CDH13: variants seen among roughly 807,000 people sequenced by gnomAD.
CDH13 encodes cadherin-13.
A neutral mutation model predicts 63.8 loss-of-function variants in CDH13; 24 were observed. The ratio of observed to expected loss-of-function variants is 0.38; its 90% CI spans 0.27 to 0.53. CDH13 has a LOEUF of 0.53. Ranked by LOEUF, CDH13 falls within the 20% of genes least tolerant of loss-of-function variation. The pLI, the probability that CDH13 is intolerant of heterozygous loss-of-function variation, is 0.85. For missense variants in CDH13, 1,049 were observed against 903.1 expected (o/e 1.16, Z -2.07); for synonymous variants, 503 against 355.3 (o/e 1.42, Z -4.67).
At chr16:83,040,148 C>G (rs1410453920) in intron 3 of CDH13, among the ~76,000 whole-genome samples, 1 of 151,926 alleles carries the variant, frequency 6.6e-6, no homozygotes, top group African/African-American at 2.4e-5. Flanking sequence ...GCTGCATTTA[C>G]TACCTCTGCT....
chr16:83,300,735 G>T (rs999174710), intron 5 of CDH13, among the ~76,000 whole-genome samples: 4 of 152,154 alleles, frequency 2.6e-5, no homozygotes, highest in Non-Finnish European at 4.4e-5. Context: ...GGTTGAAAAG[G>T]TTATAGATCA....
chr16:83,072,595 G>C lies in CDH13; in HGVS notation c.366+40377G>C, dbSNP rs529311026. 4.1e-4 allele frequency among the ~76,000 whole-genome samples: 63 copies of C among 152,286 alleles called. No homozygotes were observed. The South Asian group carries it at 0.012, about 30-fold the overall frequency. On this transcript the variant is annotated intron_variant, in intron 3 of 13. Transcript: ENST00000567109. ...CTTGAAGTCAGAACAGTTGGATTCT[G>C]GATATGAGTCTTCTTTTACCAGCTG...
intron 2 of CDH13, among the ~76,000 whole-genome samples, chr16:82,973,287 T>C (rs561686926): frequency 6.6e-6 from 1 of 152,362 alleles, no homozygotes; most frequent in Admixed American, 6.5e-5. Flanking sequence ...CCCTCCTCTT[T>C]GCCGTCCTTC....
chr16:83,291,958 A>C (rs1000467976), intron 5 of CDH13, among the ~76,000 whole-genome samples: 1 of 152,204 alleles, frequency 6.6e-6, no homozygotes, highest in Non-Finnish European at 1.5e-5. Flanking sequence ...ACGTTTCATC[A>C]TGCCTGCTCC....
At chr16:83,406,508 G>T (rs2092050024) in intron 6 of CDH13, among the ~76,000 whole-genome samples, 1 of 150,176 alleles carries the variant, frequency 6.7e-6, no homozygotes, top group East Asian at 2.0e-4. Context: ...TCATCGCCCA[G>T]GCTGGAGTGC....
chr16:83,139,128 C>T lies in CDH13; in HGVS notation c.483+13627C>T, dbSNP rs548520654. On this transcript the variant is annotated intron_variant, in intron 4 of 13. Transcript: ENST00000567109. Reference sequence around the variant, plus strand: ...CTTTGAAATAAAAGAGAACTCTTCCCAGAGGTGACAGATCCACCTGCGTGC... The same window carrying T: ...CTTTGAAATAAAAGAGAACTCTTCCTAGAGGTGACAGATCCACCTGCGTGC... Among the ~76,000 whole-genome samples, 131 of 152,266 alleles carry T rather than the reference C, an allele frequency of 8.6e-4. 1 individual carries two copies. The highest frequency in any genetic ancestry group is 3.1e-3 in the African/African-American group (127 of 41,548).
chr16:83,713,523 AT>A (rs778140367), intron 10 of CDH13, among the ~76,000 whole-genome samples: 46 of 151,348 alleles, frequency 3.0e-4, no homozygotes, highest in East Asian at 1.2e-3. Flanking sequence ...AAAAAAAAAA[AT>A]TTCCTCTTCA....
intron 1 of CDH13, among the ~76,000 whole-genome samples, chr16:82,801,661 A>G (rs2036860981): frequency 6.6e-6 from 1 of 152,258 alleles, no homozygotes; most frequent in African/African-American, 2.4e-5. Flanking sequence ...AACCGTAGAC[A>G]GGAACCTGGA....
chr16:83,671,011 G>T (rs1914452964), intron 9 of CDH13, 39 bp downstream of exon 9: 1 of 1,502,860 alleles, frequency 6.7e-7, no homozygotes, highest in African/African-American at 1.4e-5. Context: ...CCTCATGCGA[G>T]CACGGAGGGC....
At chr16:83,424,405 A>G (rs1447701150) in intron 6 of CDH13, among the ~76,000 whole-genome samples, 1 of 152,222 alleles carries the variant, frequency 6.6e-6, no homozygotes, top group Admixed American at 6.5e-5. Flanking sequence ...TCACACAAGC[A>G]GCCTTGGAGC....
chr16:83,253,984 A>T (rs1905905762), intron 5 of CDH13, among the ~76,000 whole-genome samples: 1 of 152,184 alleles, frequency 6.6e-6, no homozygotes, highest in African/African-American at 2.4e-5. Flanking sequence ...TCAATCTTAG[A>T]TAGAGAGCCA....
In CDH13 at chr16:83,203,125, G is replaced by A. The variant is rs537341455; in HGVS notation, c.484-14220G>A. 3.9e-5 allele frequency among the ~76,000 whole-genome samples: 6 copies of A among 152,288 alleles called. No homozygotes were observed. In the South Asian group the frequency reaches 1.0e-3, roughly 26 times the overall value. On this transcript the variant is annotated intron_variant, in intron 4 of 13. Transcript: ENST00000567109. ...TGTAATCTTAGCTACTTGGGAGGCT[G>A]AGGCAGGAGAATTGCTTGAACCTGG... is the stretch of plus-strand genomic sequence containing the variant.
intron 5 of CDH13, among the ~76,000 whole-genome samples, chr16:83,340,595 C>A (rs1486614183): frequency 1.3e-5 from 2 of 152,170 alleles, no homozygotes; most frequent in African/African-American, 4.8e-5. Flanking sequence ...CACCCGAATT[C>A]TCTAGAAACA....
At chr16:82,702,950 G>A (rs1368271979) in intron 1 of CDH13, among the ~76,000 whole-genome samples, 2 of 152,044 alleles carry the variant, frequency 1.3e-5, no homozygotes, top group Non-Finnish European at 2.9e-5. Flanking sequence ...TGTGTGCAGG[G>A]ACCTTTTTTT....
intron 6 of CDH13, among the ~76,000 whole-genome samples, chr16:83,414,361 C>T (rs900766132): frequency 3.9e-5 from 6 of 152,108 alleles, no homozygotes; most frequent in African/African-American, 1.4e-4. Context: ...GCAACCACCA[C>T]CACAGTCTGA....
At chr16:82,973,410 A>C (rs1452485958) in intron 2 of CDH13, among the ~76,000 whole-genome samples, 2 of 152,194 alleles carry the variant, frequency 1.3e-5, no homozygotes, top group African/African-American at 4.8e-5. Flanking sequence ...AGCTCATATG[A>C]GACACCCGCT....
chr16:83,293,890 A>G (rs1158923775), intron 5 of CDH13, among the ~76,000 whole-genome samples: 1 of 152,204 alleles, frequency 6.6e-6, no homozygotes, highest in Non-Finnish European at 1.5e-5. Context: ...TTTACCAGGA[A>G]TTATACTATG....
At chr16:82,731,205 A>G (rs2033386030) in intron 1 of CDH13, among the ~76,000 whole-genome samples, 2 of 152,212 alleles carry the variant, frequency 1.3e-5, no homozygotes, top group Admixed American at 1.3e-4. Context: ...GTAAAAAGCT[A>G]GAGGAGTATC....
chr16:83,626,650 C>G (rs1310269299), intron 8 of CDH13, among the ~76,000 whole-genome samples: 2 of 151,922 alleles, frequency 1.3e-5, no homozygotes, highest in Non-Finnish European at 2.9e-5. Flanking sequence ...TCCTCTGCCC[C>G]CAAGGCTCTC....
Sources: gnomAD v4.1 joint callset for allele counts (sites outside exome capture counted in the v4.1 genomes callset) on GRCh38, gnomAD v4.1.1 for gene constraint, MANE v1.5 for transcripts, NCBI Gene and HGNC (gene_info 2026-07-23, HGNC 2026-07-21) for gene names.